Variants in BSN observed in about 807,000 individuals in gnomAD.
The protein encoded by BSN is protein bassoon.
BSN carries 57 observed loss-of-function variants against 264.8 expected under a neutral mutation model. The observed-to-expected ratio is 0.22, with a 90% confidence interval of 0.17 to 0.27. The LOEUF is 0.27. Ranked by LOEUF, BSN falls within the 10% of genes least tolerant of loss-of-function variation. BSN has a pLI of 1.00. For missense variants in BSN, 4,615 were observed against 5,232.5 expected (o/e 0.88, Z 3.64); for synonymous variants, 2,059 against 2,137.3 (o/e 0.96, Z 1.01).
At position 49,625,032 on chromosome 3, in the gene BSN, A is replaced by T. The variant is rs2052331719; in HGVS notation, c.282A>T (p.Pro94=). The T allele has an allele frequency of 2.5e-6, 4 of 1,583,126 alleles. No individual in the cohort carries two copies. Among genetic ancestry groups the T allele is most frequent in the Non-Finnish European group, 3.4e-6 (4 of 1,167,422 alleles). ...TGGGTAACCAGAGAGCAGCTTCCCC[A>T]ACTCCGAAGCAGGCTTCTGCTACCA... The part of the protein sequence containing the change: ...EPLGNQRAAS[P]TPKQASATTP... Residue 94 remains proline (P), a synonymous_variant, in exon 2 of 12, where the codon CCA becomes CCT. Transcript: ENST00000296452. The surrounding 1 kb of genome is among the most constrained non-coding windows in gnomAD (Gnocchi z 4.4).
intron 1 of BSN, among the ~76,000 whole-genome samples, chr3:49,579,390 A>G (rs1371202126): frequency 6.6e-6 from 1 of 151,414 alleles, no homozygotes; most frequent in Non-Finnish European, 1.5e-5. Flanking sequence ...TGGGTTTTTC[A>G]TAGATGCGCT....
intron 2 of BSN, among the ~76,000 whole-genome samples, chr3:49,630,600 C>T (rs568377950): frequency 1.3e-5 from 2 of 152,286 alleles, no homozygotes; most frequent in African/African-American, 4.8e-5. Context: ...GAGGAGACAA[C>T]AGGCATGGAA....
chr3:49,580,977 A>G (rs1273189913), intron 1 of BSN, among the ~76,000 whole-genome samples: 4 of 130,090 alleles, frequency 3.1e-5, no homozygotes, highest in Non-Finnish European at 5.0e-5. Flanking sequence ...GCGCCTGTTA[A>G]CTTTTTTTTT....
intron 1 of BSN, among the ~76,000 whole-genome samples, chr3:49,596,727 C>G (rs1438342718): frequency 6.6e-6 from 1 of 152,100 alleles, no homozygotes; most frequent in East Asian, 1.9e-4. Flanking sequence ...CAGACGTGAT[C>G]ATAGCACACT....
At chr3:49,556,563 A>G (rs929584264) in intron 1 of BSN, among the ~76,000 whole-genome samples, 7 of 152,204 alleles carry the variant, frequency 4.6e-5, no homozygotes, top group Non-Finnish European at 1.0e-4. Context: ...TCCTGTGACT[A>G]TCAGACTCAG....
intron 1 of BSN, among the ~76,000 whole-genome samples, chr3:49,621,794 C>T (rs2052308791): frequency 2.0e-5 from 3 of 152,070 alleles, no homozygotes; most frequent in African/African-American, 7.2e-5. Flanking sequence ...CCTAGCTTAC[C>T]GTAACCTTGA....
intron 1 of BSN, among the ~76,000 whole-genome samples, chr3:49,567,583 G>C (rs2051762208): frequency 6.6e-6 from 1 of 152,180 alleles, no homozygotes; most frequent in Non-Finnish European, 1.5e-5. Context: ...ACACAAGAGG[G>C]TGTGCCTAAC....
intron 1 of BSN, among the ~76,000 whole-genome samples, chr3:49,588,587 T>C (rs2051953252): frequency 6.6e-6 from 1 of 152,208 alleles, no homozygotes; most frequent in Non-Finnish European, 1.5e-5. Flanking sequence ...TTTCTCTGAG[T>C]ACTGCTATCA....
rs2108071916 is a variant in BSN, at chr3:49,642,060, G to A, written c.634-208G>A. On this transcript the variant is annotated intron_variant, in intron 2 of 11. Transcript: ENST00000296452. This position sits in a 1 kb window ranked among gnomAD's most constrained non-coding sequence, Gnocchi z 7.0. ...GGTGGGGGATGGGACTGCCTCCACTGCCTCACATGCCTGGCAACTCCTAGA... is the reference window on the plus strand; with the variant it reads ...GGTGGGGGATGGGACTGCCTCCACTACCTCACATGCCTGGCAACTCCTAGA... 6.6e-6 allele frequency among the ~76,000 whole-genome samples: 1 copy of A among 152,238 alleles called. No individual in the cohort carries two copies. Among genetic ancestry groups the A allele is most frequent in the South Asian group, 2.1e-4 (1 of 4,824 alleles).
Position 49,656,494 on chromosome 3 carries a change from C to T in BSN, c.6938C>T (p.Thr2313Ile), listed in dbSNP as rs1325988954. 4.4e-6 allele frequency: 7 copies of T among 1,593,940 alleles called. No individual in the cohort carries two copies. Among genetic ancestry groups the T allele is most frequent in the Non-Finnish European group, 6.0e-6 (7 of 1,168,452 alleles). ...GCTGCACGGGAAGAGCCTCTTCCCA[C>T]AACCACCCCTGCTGCCATCAAGGAG... ...VGAAREEPLP[T>I]TTPAAIKEAA... The change falls in exon 5 of 12, where the codon ACA becomes ATA. Residue 2313 changes from threonine to isoleucine, a missense_variant. Physicochemically the swap from Thr to Ile is moderately conservative, Grantham distance 89 (BLOSUM62 -1). Around this residue, in one of 3 missense-constraint regions of BSN, gnomAD observed 3,415 missense variants for 3,866.4 expected, o/e 0.88. Coordinates refer to ENST00000296452, the MANE Select transcript of BSN (RefSeq NM_003458.4).
In BSN at chr3:49,661,021, C is replaced by A; in HGVS notation, c.9176C>A (p.Pro3059Gln). 1 of 1,611,238 alleles carries A rather than the reference C, an allele frequency of 6.2e-7. No homozygotes were observed. The highest frequency in any genetic ancestry group is 8.5e-7 in the Non-Finnish European group (1 of 1,179,872). ...TTCCAGCAGCCCCGCTTCCAGCCTC[C>A]AGCCCCACAGTATTCTGCAGGCAGT... ...TAFQQPRFQP[P>Q]APQYSAGSGG... Residue 3059 changes from proline (P) to glutamine (Q), a missense_variant, in exon 6 of 12, where the codon CCA (proline) becomes CAA (glutamine). Pro to Gln is a moderately conservative substitution (Grantham distance 76). This residue lies in a region of BSN where 3,415 missense variants were observed against 3,866.4 expected (regional missense o/e 0.88). Transcript: ENST00000296452.
chr3:49,634,003 G>A (rs1351603062), intron 2 of BSN, among the ~76,000 whole-genome samples: 7 of 151,978 alleles, frequency 4.6e-5, no homozygotes, highest in Non-Finnish European at 7.4e-5. Context: ...TCAGGAGATC[G>A]AGACCATCTT....
intron 3 of BSN, among the ~76,000 whole-genome samples, chr3:49,648,260 G>A (rs2052514735): frequency 6.6e-6 from 1 of 152,244 alleles, no homozygotes; most frequent in African/African-American, 2.4e-5. Context: ...GATGGGGTTA[G>A]GAGTTTGCCA....
At chr3:49,632,790 T>TA (rs1163117711) in intron 2 of BSN, among the ~76,000 whole-genome samples, 49 of 149,968 alleles carry the variant, frequency 3.3e-4, no homozygotes, top group African/African-American at 1.1e-3. Flanking sequence ...AGACTGTGTC[T>TA]AAAAAAAAAG....
intron 3 of BSN, among the ~76,000 whole-genome samples, chr3:49,644,971 A>G (rs1016891517): frequency 6.6e-6 from 1 of 152,194 alleles, no homozygotes; most frequent in Non-Finnish European, 1.5e-5. Flanking sequence ...ATTCTGGCCT[A>G]GGCCTCTCAT....
chr3:49,588,088 A>AATTTTTTTTT (rs2051950380), intron 1 of BSN, among the ~76,000 whole-genome samples: 1 of 151,558 alleles, frequency 6.6e-6, no homozygotes, highest in Non-Finnish European at 1.5e-5. Context: ...CGCCCGGCTA[A>AATTTTTTTTT]TTTTTGTATT....
intron 2 of BSN, among the ~76,000 whole-genome samples, chr3:49,637,559 C>T (rs1262271548): frequency 6.6e-6 from 1 of 152,162 alleles, no homozygotes; most frequent in Non-Finnish European, 1.5e-5. Context: ...CATACAGCCT[C>T]CAGCTTGGGC....
intron 2 of BSN, among the ~76,000 whole-genome samples, chr3:49,630,880 G>T (rs144171615): frequency 3.3e-5 from 5 of 152,262 alleles, no homozygotes; most frequent in Non-Finnish European, 7.4e-5. Flanking sequence ...GCAGGAAGAG[G>T]CAGGGACCAG....
chr3:49,604,785 C>T (rs1002612221), intron 1 of BSN, among the ~76,000 whole-genome samples: 4 of 151,944 alleles, frequency 2.6e-5, no homozygotes, highest in African/African-American at 4.8e-5. Context: ...ATTTCCCAGG[C>T]CTCCCACACC....
Sources: gnomAD v4.1 joint callset for allele counts (sites outside exome capture counted in the v4.1 genomes callset) on GRCh38, gnomAD v4.1.1 for gene constraint, gnomAD v4.1.1 regional missense constraint, Gnocchi (gnomAD v3.1) non-coding constraint, MANE v1.5 for transcripts, NCBI Gene and HGNC (gene_info 2026-07-23, HGNC 2026-07-21) for gene names.